DNM3: variants seen among roughly 807,000 people sequenced by gnomAD.
DNM3 encodes dynamin-3.
In DNM3, 47 loss-of-function variants were observed where a neutral mutation model predicts 101.6. The ratio of observed to expected loss-of-function variants is 0.46; its 90% CI spans 0.37 to 0.59. The LOEUF is 0.59. Among genes scored for constraint, DNM3 ranks in the 20% least tolerant of loss-of-function variants. The pLI, the probability that DNM3 is intolerant of heterozygous loss-of-function variation, is 0.00. For missense variants in DNM3, 849 were observed against 1,085.7 expected (o/e 0.78, Z 3.06); for synonymous variants, 385 against 387.9 (o/e 0.99, Z 0.09).
intron 12 of DNM3, among the ~76,000 whole-genome samples, chr1:172,091,489 G>A (rs2053904664): frequency 1.3e-5 from 2 of 152,200 alleles, no homozygotes; most frequent in Non-Finnish European, 2.9e-5. Flanking sequence ...AAGAGATGTT[G>A]GGAACCATGC....
chr1:172,132,577 ATCT>A, intron 14 of DNM3, among the ~76,000 whole-genome samples: 1 of 152,276 alleles, frequency 6.6e-6, no homozygotes, highest in East Asian at 1.9e-4. Context: ...TAAATAGATG[ATCT>A]TCTTTGCTGT....
At chr1:172,096,180 T>A (rs1054909887) in intron 13 of DNM3, among the ~76,000 whole-genome samples, 1 of 152,250 alleles carries the variant, frequency 6.6e-6, no homozygotes, top group African/African-American at 2.4e-5. Context: ...CCCTTCCCAA[T>A]GTCTTTCACT....
chr1:172,010,519 G>A (rs1436857621), intron 4 of DNM3, among the ~76,000 whole-genome samples: 1 of 144,976 alleles, frequency 6.9e-6, no homozygotes, highest in Non-Finnish European at 1.5e-5. Flanking sequence ...GTCTTCTAAT[G>A]TCCTCTTGCT....
At chr1:172,239,798 C>CTTTTTTTTTTTTTTTTTTTTTTTTTT (rs369238528) in intron 14 of DNM3, among the ~76,000 whole-genome samples, 1 of 106,868 alleles carries the variant, frequency 9.4e-6, no homozygotes, top group Non-Finnish European at 1.8e-5. Flanking sequence ...CTTTTTTTTT[C>CTTTTTTTTTTTTTTTTTTTTTTTTTT]TCTTTTTTTT....
At chr1:171,937,094 G>A (rs898065240) in intron 2 of DNM3, among the ~76,000 whole-genome samples, 5 of 152,136 alleles carry the variant, frequency 3.3e-5, no homozygotes, top group African/African-American at 1.2e-4. Context: ...ACAATGTCAA[G>A]GACTTGTTCT....
At chr1:172,117,478 G>A (rs1424506241) in intron 13 of DNM3, among the ~76,000 whole-genome samples, 1 of 152,090 alleles carries the variant, frequency 6.6e-6, no homozygotes, top group East Asian at 1.9e-4. Context: ...CTCAAAATCT[G>A]ATGGGTTTAT....
At chr1:171,978,446 T>C (rs757613372) in intron 2 of DNM3, among the ~76,000 whole-genome samples, 10 of 152,096 alleles carry the variant, frequency 6.6e-5, no homozygotes, top group African/African-American at 1.2e-4. Flanking sequence ...CTTGGTGCTC[T>C]TGAGCTGCAG....
chr1:172,033,342 TAA>T, intron 6 of DNM3, 77 bp downstream of exon 6: 2 of 1,429,884 alleles, frequency 1.4e-6, no homozygotes, highest in Non-Finnish European at 1.9e-6. Flanking sequence ...TTATTATTTT[TAA>T]GTTTATTTTT....
At chr1:171,900,944 T>TAA (rs11464977) in intron 1 of DNM3, among the ~76,000 whole-genome samples, 2,429 of 143,940 alleles carry the variant, frequency 0.017, 75 homozygotes, top group African/African-American at 0.057. Context: ...CAGTCTCTAC[T>TAA]AAAAAAAAAA....
At chr1:172,318,207 C>T (rs2065492344) in intron 16 of DNM3, among the ~76,000 whole-genome samples, 1 of 152,144 alleles carries the variant, frequency 6.6e-6, no homozygotes, top group African/African-American at 2.4e-5. Context: ...TATAAACTCT[C>T]AATAAATTAG....
chr1:172,068,892 A>C lies in DNM3; in HGVS notation c.1409A>C (p.Lys470Thr), dbSNP rs754364440. 6.4e-7 allele frequency: 1 copy of C among 1,563,216 alleles called. No homozygotes were observed. Among genetic ancestry groups the C allele is most frequent in the Non-Finnish European group, 8.7e-7 (1 of 1,153,170 alleles). The change falls in exon 11 of 21, where the codon AAG becomes ACG. Residue 470 changes from lysine to threonine, a missense_variant. Around this residue, in one of 5 missense-constraint regions of DNM3, gnomAD observed 193 missense variants for 238.4 expected, o/e 0.81. Transcript: ENST00000627582. ...AACCACATTCGTGAGCGAGAAGGGAAGACAAAGGACCAGGTAAAGAGAGGT... is the reference window on the plus strand; with the variant it reads ...AACCACATTCGTGAGCGAGAAGGGACGACAAAGGACCAGGTAAAGAGAGGT... ...VANHIREREGKTKDQVLLLID... is the reference protein window; with the variant it reads ...VANHIREREGTTKDQVLLLID...
chr1:171,962,899 G>A (rs74123806), intron 2 of DNM3, among the ~76,000 whole-genome samples: 4,643 of 152,262 alleles, frequency 0.03, 240 homozygotes, highest in African/African-American at 0.11. Flanking sequence ...ATGCTAGCAA[G>A]GATGTGGAGC....
At chr1:172,078,635 AT>A (rs1224585750) in intron 11 of DNM3, among the ~76,000 whole-genome samples, 1 of 152,088 alleles carries the variant, frequency 6.6e-6, no homozygotes, top group Non-Finnish European at 1.5e-5. Context: ...TCAGGTTAAT[AT>A]TGTTATGTGT....
intron 15 of DNM3, among the ~76,000 whole-genome samples, chr1:172,296,369 G>T (rs562367151): frequency 1.2e-4 from 18 of 152,326 alleles, no homozygotes; most frequent in African/African-American, 4.3e-4. Context: ...AGGCTCAAAG[G>T]CCAAATGGTC....
At chr1:172,038,107 G>A (rs2049099905) in intron 6 of DNM3, among the ~76,000 whole-genome samples, 1 of 152,152 alleles carries the variant, frequency 6.6e-6, no homozygotes, top group Admixed American at 6.6e-5. Context: ...TCTAAATGAA[G>A]GAATTTTGAG....
chr1:172,372,832 C>T lies in DNM3; in HGVS notation c.1894-6186C>T, dbSNP rs7517736. ...CTGAGTATCTGGAACTACGGGCATG[C>T]ACCAGTATGCCTGGCTAATTTTTAA... is the stretch of plus-strand genomic sequence containing the variant. On this transcript the variant is annotated intron_variant, in intron 17 of 20. Transcript: ENST00000627582. Among the ~76,000 whole-genome samples the T allele has an allele frequency of 3.4e-3, 515 of 151,496 alleles. 3 individuals carry two copies. Among genetic ancestry groups the T allele is most frequent in the African/African-American group, 0.01 (423 of 41,360 alleles).
chr1:172,377,553 CATATATATATATAT>C (rs34612864), intron 17 of DNM3, among the ~76,000 whole-genome samples: 44 of 123,442 alleles, frequency 3.6e-4, no homozygotes, highest in African/African-American at 1.6e-3. Context: ...TGATATATAT[CATATATATATATAT>C]ATATATATAT....
At chr1:172,103,075 G>T (rs2054766201) in intron 13 of DNM3, among the ~76,000 whole-genome samples, 1 of 151,948 alleles carries the variant, frequency 6.6e-6, no homozygotes, top group African/African-American at 2.4e-5. Context: ...CTGTGAAAAA[G>T]TTGAATAATG....
chr1:172,343,962 T>C (rs967901382), intron 17 of DNM3, among the ~76,000 whole-genome samples: 2 of 152,244 alleles, frequency 1.3e-5, no homozygotes, highest in African/African-American at 4.8e-5. Context: ...TAATTGTTTT[T>C]TTAAAATATA....
Sources: gnomAD v4.1 joint callset for allele counts (sites outside exome capture counted in the v4.1 genomes callset) on GRCh38, gnomAD v4.1.1 for gene constraint, gnomAD v4.1.1 regional missense constraint, MANE v1.5 for transcripts, NCBI Gene and HGNC (gene_info 2026-07-23, HGNC 2026-07-21) for gene names.